Variants in EP300 observed in about 807,000 individuals in gnomAD.
EP300 encodes the protein histone acetyltransferase p300.
EP300 carries 31 observed loss-of-function variants against 264.0 expected under a neutral mutation model. The observed-to-expected ratio is 0.12, with a 90% CI of 0.09 to 0.16. EP300 has a LOEUF of 0.16. EP300 is among the 10% of genes least tolerant of loss of function. The pLI, the probability that EP300 is intolerant of heterozygous loss-of-function variation, is 1.00. For synonymous variants in EP300, 1,340 were observed against 1,045.4 expected (o/e 1.28, Z -5.44); for missense variants, 2,766 against 3,052.9 (o/e 0.91, Z 2.21).
intron 2 of EP300, among the ~76,000 whole-genome samples, chr22:41,120,319 C>G (rs144929811): frequency 6.0e-4 from 91 of 152,188 alleles, no homozygotes; most frequent in African/African-American, 2.1e-3. Flanking sequence ...CCATCTCTAC[C>G]AAAAACAAAA....
intron 6 of EP300, among the ~76,000 whole-genome samples, chr22:41,132,161 A>G (rs1460560163): frequency 6.7e-6 from 1 of 148,498 alleles, no homozygotes; most frequent in Non-Finnish European, 1.5e-5. Context: ...GAGCCATTGC[A>G]CTCCAGCCTG....
chr22:41,176,634 C>A, intron 30 of EP300, 106 bp downstream of exon 30: 4 of 1,607,210 alleles, frequency 2.5e-6, no homozygotes, highest in Admixed American at 1.7e-5. Flanking sequence ...AGGGGCTTGG[C>A]CTCGTGTTTG....
Position 41,179,757 on chromosome 22 carries a change from C to T in EP300, c.*801C>T, listed in dbSNP as rs1405955556. ...AGAATTTTTTTCGTTATTTTTACAT[C>T]TAACAAAGTAAAAAAATTAAAAAGA... On this transcript the variant is annotated 3_prime_UTR_variant, in exon 31 of 31. Coordinates refer to ENST00000263253, the MANE Select transcript of EP300 (RefSeq NM_001429.4). 4.3e-6 allele frequency: 1 copy of T among 230,004 alleles called. No homozygotes were observed. Among genetic ancestry groups the T allele is most frequent in the Non-Finnish European group, 8.6e-6 (1 of 116,106 alleles). The allele number at this position is 230,004 out of a possible 1,614,324, so 14.2% of individuals were successfully genotyped here.
chr22:41,102,753 A>G (rs778905571), intron 1 of EP300, among the ~76,000 whole-genome samples: 23 of 152,252 alleles, frequency 1.5e-4, no homozygotes, highest in Admixed American at 9.8e-4. Context: ...ATGGATGATC[A>G]GCAGAACTTG....
intron 5 of EP300, among the ~76,000 whole-genome samples, chr22:41,131,081 A>C (rs573891579): frequency 6.6e-6 from 1 of 152,324 alleles, no homozygotes; most frequent in African/African-American, 2.4e-5. Context: ...GGCAGAAATG[A>C]TGCTGCCGGG....
rs886057577 is a variant in EP300 at position 41,179,735 on chromosome 22, AT to A, written c.*786del. The A allele has an allele frequency of 4.3e-6, 1 of 230,710 alleles. No individual in the cohort carries two copies. The highest frequency in any genetic ancestry group is 1.8e-4 in the South Asian group (1 of 5,512). 14.3% of individuals were successfully genotyped at this position (230,710 alleles called of 1,614,324 possible). ...ATTGTGGTTTCTGTTTCTTGAAAGA[AT>A]TTTTTTCGTTATTTTTACATCTAAC... On this transcript the variant is annotated 3_prime_UTR_variant, in exon 31 of 31. Transcript: ENST00000263253.
chr22:41,154,861 A>T (rs2059067787), intron 16 of EP300, 134 bp from the exon 17 acceptor site: 1 of 696,726 alleles, frequency 1.4e-6, no homozygotes, highest in African/African-American at 1.8e-5. Flanking sequence ...GCCTGTAGTG[A>T]TATTTCCATG....
At chr22:41,161,424 T>C (rs1028167025) in intron 20 of EP300, among the ~76,000 whole-genome samples, 13 of 152,156 alleles carry the variant, frequency 8.5e-5, no homozygotes, top group African/African-American at 2.7e-4. Flanking sequence ...GAGACCATCC[T>C]GGCTAACACG....
chr22:41,093,185 T>A, intron 1 of EP300, 87 bp downstream of exon 1: 1 of 1,335,530 alleles, frequency 7.5e-7, no homozygotes, highest in Non-Finnish European at 1.1e-6. Context: ...TTTTTCTTCC[T>A]CTCTCTCTAG....
rs2145517232 is a variant in EP300, at chr22:41,177,421, C to G, written c.5710C>G (p.Gln1904Glu). 6.2e-7 allele frequency: 1 copy of G among 1,614,178 alleles called. No individual in the cohort carries two copies. The highest frequency in any genetic ancestry group is 8.5e-7 in the Non-Finnish European group (1 of 1,180,036). Residue 1904 changes from glutamine (Q) to glutamate (E), a missense_variant, in exon 31 of 31, where the codon CAG (glutamine) becomes GAG (glutamate). Physicochemically the swap from Gln to Glu is conservative, Grantham distance 29. Transcript: ENST00000263253. ...TGTGTCCCAGGGTAAGGCAGCAGGC[C>G]AGGTGACCCCTCCAACCCCTCCTCA... ...GPVSQGKAAG[Q>E]VTPPTPPQTA...
rs570537522 is a variant in EP300 at position 41,107,562 on chromosome 22, GTGTT to G, written c.95-9622_95-9619del. The stretch of plus-strand genomic sequence containing the variant: ...TTGTCTGATTTATGTTCATAGTACA[GTGTT>G]TGGGATTATATTTTTAATGGTTCTA... On this transcript the variant is annotated intron_variant, in intron 1 of 30. Coordinates refer to ENST00000263253, the MANE Select transcript of EP300 (RefSeq NM_001429.4). 3.4e-3 allele frequency among the ~76,000 whole-genome samples: 515 copies of G among 152,244 alleles called. 4 individuals carry two copies. Among genetic ancestry groups the G allele is most frequent in the African/African-American group, 0.012 (487 of 41,550 alleles).
chr22:41,174,986 G>A (rs558545391), intron 29 of EP300, among the ~76,000 whole-genome samples: 7 of 150,778 alleles, frequency 4.6e-5, no homozygotes, highest in South Asian at 4.2e-4. Flanking sequence ...AATGGGCTAC[G>A]ATGTAATAAT....
chr22:41,141,288 C>A, intron 10 of EP300, 66 bp downstream of exon 10: 1 of 1,535,292 alleles, frequency 6.5e-7, no homozygotes, highest in Non-Finnish European at 9.0e-7. Context: ...TATCTAAAGT[C>A]ATTAATTTCT....
At chr22:41,164,314 A>G (rs560150386) in intron 22 of EP300, among the ~76,000 whole-genome samples, 184 bp downstream of exon 22, 2 of 152,354 alleles carry the variant, frequency 1.3e-5, no homozygotes, top group East Asian at 3.9e-4. Context: ...GTATCCAAAA[A>G]TAGATTTTTA....
chr22:41,177,130 C>G lies in EP300; in HGVS notation c.5419C>G (p.Leu1807Val). Reference sequence around the variant, plus strand: ...GAACAAATGCCCGGTGCCGTTCTGCCTAAACATCAAGCAGAAGCTCCGGCA... The same window carrying G: ...GAACAAATGCCCGGTGCCGTTCTGCGTAAACATCAAGCAGAAGCTCCGGCA... Reference protein sequence around the residue: ...QENKCPVPFCLNIKQKLRQQQ... With the variant: ...QENKCPVPFCVNIKQKLRQQQ... The change falls in exon 31 of 31, where the codon CTA becomes GTA. Residue 1807 changes from leucine (L) to valine (V), a missense_variant. Leu to Val is a conservative substitution (Grantham distance 32). Transcript: ENST00000263253. 6.2e-7 allele frequency: 1 copy of G among 1,614,096 alleles called. No homozygotes were observed. The highest frequency in any genetic ancestry group is 8.5e-7 in the Non-Finnish European group (1 of 1,180,004).
intron 1 of EP300, among the ~76,000 whole-genome samples, chr22:41,094,976 C>T (rs528768731): frequency 4.6e-5 from 7 of 151,942 alleles, no homozygotes; most frequent in African/African-American, 1.7e-4. Flanking sequence ...GTTAAGTGGG[C>T]TTTTATAGTT....
chr22:41,115,621 G>A (rs2058816633), intron 1 of EP300, among the ~76,000 whole-genome samples: 2 of 152,040 alleles, frequency 1.3e-5, no homozygotes, highest in Admixed American at 1.3e-4. Flanking sequence ...GTAGAGACAG[G>A]GTCTTGCTGT....
In EP300 at chr22:41,176,799, T is replaced by C. The variant is rs754931716; in HGVS notation, c.5088T>C (p.Tyr1696=). Residue 1696 remains tyrosine, a synonymous_variant, in exon 31 of 31, where the codon TAT becomes TAC. Coordinates refer to ENST00000263253, the MANE Select transcript of EP300 (RefSeq NM_001429.4). ...ATTATGACTTGTGTATCACCTGCTATAACACTAAAAACCATGACCACAAAA... is the reference window on the plus strand; with the variant it reads ...ATTATGACTTGTGTATCACCTGCTACAACACTAAAAACCATGACCACAAAA... ...CEDYDLCITC[Y]NTKNHDHKME... The C allele has an allele frequency of 7.4e-6, 12 of 1,614,030 alleles. No homozygotes were observed. The highest frequency in any genetic ancestry group is 6.7e-5 in the African/African-American group (5 of 74,928).
chr22:41,100,359 T>C (rs1231259918), intron 1 of EP300, among the ~76,000 whole-genome samples: 1 of 152,108 alleles, frequency 6.6e-6, no homozygotes, highest in Non-Finnish European at 1.5e-5. Flanking sequence ...ATAGACTGGA[T>C]AAAGAGAAAG....
Sources: allele counts gnomAD v4.1 joint callset (sites outside exome capture counted in the v4.1 genomes callset), GRCh38; gene constraint gnomAD v4.1.1; transcripts MANE v1.5; gene names NCBI Gene and HGNC (gene_info 2026-07-23, HGNC 2026-07-21).